The following GAS7 variants were observed in gnomAD, a reference collection of about 807,000 sequenced individuals.
The protein encoded by GAS7 is growth arrest specific 7.
In GAS7, 28 loss-of-function variants were observed where a neutral mutation model predicts 71.1. The observed-to-expected ratio is 0.39, with a 90% CI of 0.29 to 0.54. The LOEUF (loss-of-function observed/expected upper bound fraction) is 0.54. GAS7 is among the 20% of genes least tolerant of loss of function. The pLI is 0.62. For synonymous variants in GAS7, 258 were observed against 245.8 expected (o/e 1.05, Z -0.46); for missense variants, 436 against 627.8 (o/e 0.69, Z 3.27).
At position 10,019,715 on chromosome 17, in the gene GAS7, C is replaced by A. The variant is rs536178876; in HGVS notation, c.304+62G>T. ...AGGCGAAGAAGGGAGAAAAAACGTGCCCCTCTAGAGAGCCAGAATGCCAGG... is the reference window on the plus strand; with the variant it reads ...AGGCGAAGAAGGGAGAAAAAACGTGACCCTCTAGAGAGCCAGAATGCCAGG... On this transcript the variant is annotated intron_variant, in intron 2 of 13. Coordinates refer to ENST00000432992, the MANE Select transcript of GAS7 (RefSeq NM_201433.2). The A allele has an allele frequency of 3.3e-4, 499 of 1,519,190 alleles. 4 individuals carry two copies. Among genetic ancestry groups the A allele is most frequent in the South Asian group, 2.3e-3 (195 of 84,462 alleles). The allele number at this position is 1,519,190 out of a possible 1,614,324, so 94.1% of individuals were successfully genotyped here.
At chr17:10,156,935 C>T (rs1479980316) in intron 1 of GAS7, among the ~76,000 whole-genome samples, 2 of 152,180 alleles carry the variant, frequency 1.3e-5, no homozygotes, top group South Asian at 2.1e-4. Flanking sequence ...AGTTCAGACA[C>T]AGCCACTGAG....
At chr17:10,170,911 C>T (rs1400681480) in intron 1 of GAS7, among the ~76,000 whole-genome samples, 1 of 152,212 alleles carries the variant, frequency 6.6e-6, no homozygotes, top group African/African-American at 2.4e-5. Flanking sequence ...AATACCATCA[C>T]AGATCCCTGA....
intron 1 of GAS7, among the ~76,000 whole-genome samples, chr17:10,142,047 T>C (rs921714651): frequency 6.6e-6 from 1 of 151,932 alleles, no homozygotes; most frequent in Admixed American, 6.6e-5. Flanking sequence ...GCTAACATGG[T>C]GAAACCCCGT....
chr17:9,975,665 G>A (rs774962133), intron 3 of GAS7, among the ~76,000 whole-genome samples: 2 of 152,142 alleles, frequency 1.3e-5, no homozygotes, highest in Non-Finnish European at 2.9e-5. Context: ...TAAGTGTTAT[G>A]CAGTGATAGT....
chr17:10,002,020 G>T (rs1232602231), intron 2 of GAS7, among the ~76,000 whole-genome samples: 1 of 152,152 alleles, frequency 6.6e-6, no homozygotes, highest in Non-Finnish European at 1.5e-5. Context: ...CAGCATCCTA[G>T]CGGACACGAT....
At chr17:10,157,195 C>T (rs927877669) in intron 1 of GAS7, among the ~76,000 whole-genome samples, 1 of 152,142 alleles carries the variant, frequency 6.6e-6, no homozygotes, top group Non-Finnish European at 1.5e-5. Context: ...CTTACAAACC[C>T]GCAGCAAACC....
chr17:9,933,968 T>C (rs1011640708), intron 9 of GAS7, among the ~76,000 whole-genome samples, 198 bp downstream of exon 9: 1 of 152,262 alleles, frequency 6.6e-6, no homozygotes, highest in Non-Finnish European at 1.5e-5. Context: ...CTACTGTGTC[T>C]ATACAAAAAT....
chr17:10,042,907 A>G (rs1311603801), intron 1 of GAS7, among the ~76,000 whole-genome samples: 2 of 152,214 alleles, frequency 1.3e-5, no homozygotes, highest in East Asian at 1.9e-4. Flanking sequence ...ACTCGAAGAG[A>G]TGTGGCTATG....
chr17:9,949,246 C>T (rs1360404095), intron 5 of GAS7, among the ~76,000 whole-genome samples: 1 of 152,172 alleles, frequency 6.6e-6, no homozygotes, highest in African/African-American at 2.4e-5. Flanking sequence ...TCCTGCTCAG[C>T]TCTTGCCAAG....
At chr17:10,188,759 C>T (rs2074475919) in intron 1 of GAS7, among the ~76,000 whole-genome samples, 2 of 152,138 alleles carry the variant, frequency 1.3e-5, no homozygotes, top group Non-Finnish European at 2.9e-5. Context: ...CCACCTGAGC[C>T]TCCTGAGTAG....
chr17:10,033,040 G>A (rs145195806), intron 1 of GAS7, among the ~76,000 whole-genome samples: 10 of 152,276 alleles, frequency 6.6e-5, no homozygotes, highest in African/African-American at 1.4e-4. Flanking sequence ...ATGCTGAAAC[G>A]TCCCTATTTG....
At chr17:10,193,714 A>G (rs968943275) in intron 1 of GAS7, among the ~76,000 whole-genome samples, 3 of 152,204 alleles carry the variant, frequency 2.0e-5, no homozygotes, top group Non-Finnish European at 4.4e-5. Context: ...GAAGAACATC[A>G]AAGCACCAGA....
At chr17:9,934,858 C>G (rs1000517402) in intron 8 of GAS7, among the ~76,000 whole-genome samples, 1 of 152,220 alleles carries the variant, frequency 6.6e-6, no homozygotes, top group Non-Finnish European at 1.5e-5. Flanking sequence ...GTCTCAGCCT[C>G]CCGAGTAGCT....
intron 1 of GAS7, among the ~76,000 whole-genome samples, chr17:10,056,992 C>G (rs547418439): frequency 6.6e-6 from 1 of 152,064 alleles, no homozygotes; most frequent in Non-Finnish European, 1.5e-5. Context: ...GACGGGGTTT[C>G]GCTGTGTTGG....
Position 9,946,931 on chromosome 17 carries a change from A to G in GAS7, c.578T>C (p.Leu193Pro). The change falls in exon 6 of 14, where the codon CTG (leucine) becomes CCG (proline). Residue 193 changes from leucine (L) to proline (P), a missense_variant. By Grantham distance (98) the Leu-to-Pro change is moderately conservative. Coordinates refer to ENST00000432992, the MANE Select transcript of GAS7 (RefSeq NM_201433.2). Reference protein sequence around the residue: ...HPDTMPEQQLLKPTEWSYCDY... With the variant: ...HPDTMPEQQLPKPTEWSYCDY... ...GCAGTAGCTCCACTCGGTTGGTTTC[A>G]GCAGCTGCTGTTCCGGCATCGTGTC... 1 of 1,613,442 alleles carries G rather than the reference A, an allele frequency of 6.2e-7. No individual in the cohort carries two copies. The highest frequency in any genetic ancestry group is 1.3e-5 in the African/African-American group (1 of 75,026).
chr17:10,068,663 C>T (rs927436845), intron 1 of GAS7, among the ~76,000 whole-genome samples: 6 of 151,736 alleles, frequency 4.0e-5, no homozygotes, highest in African/African-American at 1.5e-4. Flanking sequence ...TCTCGGGAGG[C>T]TGAGATGGAA....
intron 1 of GAS7, among the ~76,000 whole-genome samples, chr17:10,149,704 A>G (rs1273054010): frequency 6.6e-6 from 1 of 152,234 alleles, no homozygotes; most frequent in Admixed American, 6.5e-5. Flanking sequence ...TCACATGTCC[A>G]TCCACTGATG....
At chr17:9,918,137 T>C (rs547644563) in intron 12 of GAS7, 38 bp from the exon 13 acceptor site, 2 of 1,473,606 alleles carry the variant, frequency 1.4e-6, no homozygotes, top group Admixed American at 3.4e-5. Flanking sequence ...TCTGAGCACG[T>C]CCCCTCCACT....
chr17:10,039,763 T>A, intron 1 of GAS7: 1 of 456,296 alleles, frequency 2.2e-6, no homozygotes, highest in South Asian at 1.5e-5. Context: ...TTGCGTTCAA[T>A]CTTGGGGAGA....
Sources: gnomAD v4.1 joint callset for allele counts (sites outside exome capture counted in the v4.1 genomes callset) on GRCh38, gnomAD v4.1.1 for gene constraint, MANE v1.5 for transcripts, NCBI Gene and HGNC (gene_info 2026-07-23, HGNC 2026-07-21) for gene names.